NRG1: variants seen among roughly 807,000 people sequenced by gnomAD.
NRG1 encodes neuregulin 1.
Under a neutral mutation model 63.8 loss-of-function variants are expected in NRG1, and 18 were observed. The ratio of observed to expected loss-of-function variants is 0.28; its 90% CI spans 0.19 to 0.42. The LOEUF (loss-of-function observed/expected upper bound fraction) is 0.42, where lower values mean the gene tolerates loss of function less well. Ranked by LOEUF, NRG1 falls within the 10% of genes least tolerant of loss-of-function variation. The pLI is 1.00. For missense variants in NRG1, 762 were observed against 814.7 expected (o/e 0.94, Z 0.79); for synonymous variants, 302 against 301.3 (o/e 1.00, Z -0.02).
At chr8:32,375,175 T>C (rs1330549998) in intron 1 of NRG1, among the ~76,000 whole-genome samples, 2 of 151,854 alleles carry the variant, frequency 1.3e-5, no homozygotes, top group Middle Eastern at 3.4e-3. Context: ...GATGAGGCCT[T>C]CTACATTGCC....
At chr8:32,330,041 T>TAAAAAAAAAAAAAAAA in intron 1 of NRG1, among the ~76,000 whole-genome samples, 1 of 43,020 alleles carries the variant, frequency 2.3e-5, no homozygotes, top group African/African-American at 8.8e-5. Context: ...CCTAGCTAAT[T>TAAAAAAAAAAAAAAAA]AAAAAAAAAA....
Position 32,210,577 on chromosome 8 carries a change from C to T in NRG1, c.38-385251C>T, listed in dbSNP as rs532870961. Reference sequence around the variant, plus strand: ...CAGAATCTAAGATTGTCTACAGCCACGGTACAACCAGCTCTGAGACTTTGA... The same window carrying T: ...CAGAATCTAAGATTGTCTACAGCCATGGTACAACCAGCTCTGAGACTTTGA... On this transcript the variant is annotated intron_variant, in intron 1 of 10. Transcript: ENST00000519301. Among the ~76,000 whole-genome samples the T allele has an allele frequency of 5.3e-5, 8 of 152,276 alleles. No individual in the cohort carries two copies. The South Asian group carries it at 6.2e-4, about 12-fold the overall frequency.
At chr8:32,431,964 T>C (rs1223447411) in intron 1 of NRG1, among the ~76,000 whole-genome samples, 1 of 152,154 alleles carries the variant, frequency 6.6e-6, no homozygotes, top group Non-Finnish European at 1.5e-5. Flanking sequence ...ACTCCACACA[T>C]GGTAGTCGTT....
chr8:32,081,602 G>A (rs914332610), intron 1 of NRG1, among the ~76,000 whole-genome samples: 1 of 151,996 alleles, frequency 6.6e-6, no homozygotes, highest in Non-Finnish European at 1.5e-5. Context: ...ATTGTAGAGT[G>A]GAAAAACATA....
intron 11 of NRG1, among the ~76,000 whole-genome samples, chr8:32,762,985 G>A (rs150947215): frequency 0.012 from 1,848 of 152,250 alleles, 32 homozygotes; most frequent in Non-Finnish European, 0.018. Context: ...ATAGCTGTGG[G>A]TTTTGGAAGA....
Position 32,224,123 on chromosome 8 carries a change from C to T in NRG1, c.38-371705C>T, listed in dbSNP as rs997392061. Reference sequence around the variant, plus strand: ...CTTTGAGTCAATGTAAGAAGATGAGCGAAAAGTACAATGAAAATGAGAACT... The same window carrying T: ...CTTTGAGTCAATGTAAGAAGATGAGTGAAAAGTACAATGAAAATGAGAACT... On this transcript the variant is annotated intron_variant, in intron 1 of 10. Transcript: ENST00000519301. Among the ~76,000 whole-genome samples, 45 of 151,936 alleles carry T rather than the reference C, an allele frequency of 3.0e-4. 1 individual carries two copies. Among genetic ancestry groups the T allele is most frequent in the African/African-American group, 9.9e-4 (41 of 41,374 alleles).
intron 1 of NRG1, among the ~76,000 whole-genome samples, chr8:32,020,888 A>G (rs1052388605): frequency 6.6e-6 from 1 of 152,004 alleles, no homozygotes; most frequent in Non-Finnish European, 1.5e-5. Flanking sequence ...AGCAATTTTT[A>G]TATGAATTGC....
intron 1 of NRG1, among the ~76,000 whole-genome samples, chr8:32,325,695 TA>T (rs1487003813): frequency 6.6e-6 from 1 of 152,148 alleles, no homozygotes; most frequent in Non-Finnish European, 1.5e-5. Flanking sequence ...TAATTTTGAA[TA>T]AATCATTTAA....
At chr8:32,609,606 CCTTCCTTCCTTCCTTT>C (rs1332239230) in intron 3 of NRG1, among the ~76,000 whole-genome samples, 2 of 125,666 alleles carry the variant, frequency 1.6e-5, no homozygotes, top group African/African-American at 3.4e-5. Context: ...TTCCTTCCTT[CCTTCCTTCCTTCCTTT>C]CCCTCCCTCC....
chr8:32,646,676 GC>G, intron 5 of NRG1: 1 of 985,276 alleles, frequency 1.0e-6, no homozygotes, highest in Non-Finnish European at 1.2e-6. Context: ...GACTGGGACA[GC>G]TTTTGTAGAG....
chr8:32,230,777 G>T (rs955720213), intron 1 of NRG1, among the ~76,000 whole-genome samples: 11 of 100,148 alleles, frequency 1.1e-4, no homozygotes, highest in Non-Finnish European at 2.1e-4. Flanking sequence ...TATACATGGG[G>T]TACATGTGAA....
At chr8:32,611,248 C>G (rs928376606) in intron 3 of NRG1, among the ~76,000 whole-genome samples, 1 of 151,936 alleles carries the variant, frequency 6.6e-6, no homozygotes, top group African/African-American at 2.4e-5. Flanking sequence ...ATAGCTGTTT[C>G]ATTTGAGATG....
chr8:32,469,753 GA>G (rs1823535216), intron 1 of NRG1, among the ~76,000 whole-genome samples: 1 of 152,142 alleles, frequency 6.6e-6, no homozygotes, highest in Non-Finnish European at 1.5e-5. Flanking sequence ...AAAGTCAGAG[GA>G]AGCCCGAGAA....
At chr8:31,747,444 G>A (rs771283590) in intron 1 of NRG1, among the ~76,000 whole-genome samples, 6 of 151,992 alleles carry the variant, frequency 3.9e-5, no homozygotes, top group African/African-American at 7.2e-5. Flanking sequence ...TGACAAATTC[G>A]GAAATGGAAA....
intron 1 of NRG1, among the ~76,000 whole-genome samples, chr8:31,751,738 T>C (rs1219925020): frequency 1.3e-5 from 2 of 151,574 alleles, no homozygotes; most frequent in African/African-American, 2.4e-5. Flanking sequence ...TGGAGAGAGA[T>C]AGAGAGTTTG....
chr8:31,720,742 A>G (rs1229534268), intron 1 of NRG1, among the ~76,000 whole-genome samples: 3 of 152,228 alleles, frequency 2.0e-5, no homozygotes, highest in Admixed American at 6.5e-5. Context: ...GAAGAAAGGA[A>G]CAATGCAGAG....
chr8:31,970,270 T>G (rs2129628607), intron 1 of NRG1, among the ~76,000 whole-genome samples: 1 of 152,318 alleles, frequency 6.6e-6, no homozygotes, highest in African/African-American at 2.4e-5. Context: ...AAAGAAGGAC[T>G]AAAGGTATCT....
At chr8:31,748,570 C>T (rs1242757976) in intron 1 of NRG1, among the ~76,000 whole-genome samples, 1 of 151,858 alleles carries the variant, frequency 6.6e-6, no homozygotes, top group Non-Finnish European at 1.5e-5. Context: ...AATATTATGG[C>T]TGACCTAGAG....
rs1855528869 is a variant in NRG1, at chr8:32,653,182, G to T, written c.502+36297G>T. On this transcript the variant is annotated intron_variant, in intron 5 of 11. Transcript: ENST00000356819. ...TTCATTCAGTGAATGTACGCTAAGT[G>T]CCTACTCTGTGCCAGACTCTGTTCT... 2.0e-5 allele frequency among the ~76,000 whole-genome samples: 3 copies of T among 151,168 alleles called. No homozygotes were observed. The South Asian group carries it at 6.3e-4, about 32-fold the overall frequency.
Sources: gnomAD v4.1 joint callset for allele counts (sites outside exome capture counted in the v4.1 genomes callset) on GRCh38, gnomAD v4.1.1 for gene constraint, MANE v1.5 for transcripts, NCBI Gene and HGNC (gene_info 2026-07-23, HGNC 2026-07-21) for gene names.